Variants in CDH12 observed in about 807,000 individuals in gnomAD.
CDH12 encodes the protein cadherin 12.
A neutral mutation model predicts 74.1 loss-of-function variants in CDH12; 41 were observed. That is an observed-to-expected ratio of 0.55 (90% CI 0.43 to 0.72). CDH12 has a LOEUF of 0.72. CDH12 is among the 30% of genes least tolerant of loss of function. The pLI is 0.00. For missense variants in CDH12, 945 were observed against 977.2 expected, an observed-to-expected ratio of 0.97 and a Z score of 0.44; for synonymous variants, 399 against 355.0, an observed-to-expected ratio of 1.12 and a Z score of -1.39.
At chr5:21,767,983 T>C (rs1051734266) in intron 11 of CDH12, among the ~76,000 whole-genome samples, 1 of 151,904 alleles carries the variant, frequency 6.6e-6, no homozygotes. Context: ...CTGACTCATC[T>C]AATGAATATT....
intron 9 of CDH12, among the ~76,000 whole-genome samples, chr5:21,814,186 T>TGTGTGTG (rs1747915046): frequency 7.0e-6 from 1 of 143,240 alleles, no homozygotes; most frequent in Non-Finnish European, 1.5e-5. Context: ...TGTGTGTGTG[T>TGTGTGTG]TTTATTTGCA....
At chr5:22,580,896 T>C (rs184106673) in intron 1 of CDH12, 96 of 165,692 alleles carry the variant, frequency 5.8e-4, no homozygotes, top group Admixed American at 2.9e-3. Context: ...TGTGGAACTT[T>C]GAACTTGAGA....
At chr5:22,249,640 T>C (rs1277814326) in intron 3 of CDH12, among the ~76,000 whole-genome samples, 1 of 152,180 alleles carries the variant, frequency 6.6e-6, no homozygotes, top group Non-Finnish European at 1.5e-5. Context: ...CAGAATGGAA[T>C]CATCAACCGA....
At chr5:22,330,744 CAAAAAAAAAA>C (rs1212274101) in intron 3 of CDH12, among the ~76,000 whole-genome samples, 1 of 52,356 alleles carries the variant, frequency 1.9e-5, no homozygotes, top group Non-Finnish European at 4.6e-5. Flanking sequence ...AGCGAGACTC[CAAAAAAAAAA>C]AAAAAAAAAA....
chr5:21,818,266 TAC>T (rs56742511), intron 8 of CDH12, among the ~76,000 whole-genome samples: 145,694 of 151,926 alleles, frequency 0.96, 69,878 homozygotes, highest in East Asian at 1. Context: ...GAATTTTAGT[TAC>T]ACATTTGTGG....
chr5:22,762,516 T>C (rs1255288973), intron 1 of CDH12, among the ~76,000 whole-genome samples: 2 of 152,048 alleles, frequency 1.3e-5, no homozygotes, highest in Non-Finnish European at 2.9e-5. Context: ...ATTTCTTGAA[T>C]GGGGCAGAAA....
intron 1 of CDH12, among the ~76,000 whole-genome samples, chr5:22,556,539 C>T (rs368546636): frequency 2.0e-5 from 3 of 152,126 alleles, no homozygotes; most frequent in Non-Finnish European, 4.4e-5. Flanking sequence ...AGAAAGCACA[C>T]CTAAAGAGGT....
intron 6 of CDH12, among the ~76,000 whole-genome samples, chr5:21,964,281 C>T (rs1756488712): frequency 6.6e-6 from 1 of 151,940 alleles, no homozygotes; most frequent in African/African-American, 2.4e-5. Flanking sequence ...GTTGTTTTTC[C>T]AATAATAATG....
At chr5:22,293,345 T>C (rs1439183261) in intron 3 of CDH12, among the ~76,000 whole-genome samples, 1 of 152,170 alleles carries the variant, frequency 6.6e-6, no homozygotes, top group East Asian at 1.9e-4. Flanking sequence ...GAAGTAAATT[T>C]GCCTTGCTGA....
intron 1 of CDH12, among the ~76,000 whole-genome samples, chr5:22,608,963 C>T (rs1295296356): frequency 6.6e-6 from 1 of 152,048 alleles, no homozygotes; most frequent in Non-Finnish European, 1.5e-5. Context: ...AATACACATA[C>T]CAAAGCAGGG....
chr5:22,631,147 G>T (rs1561540282), intron 1 of CDH12, among the ~76,000 whole-genome samples: 1 of 152,234 alleles, frequency 6.6e-6, no homozygotes, highest in South Asian at 2.1e-4. Flanking sequence ...AGACGCTATT[G>T]AGGTTTTAGA....
intron 13 of CDH12, among the ~76,000 whole-genome samples, chr5:21,756,714 A>G (rs1424555665): frequency 3.3e-5 from 5 of 152,182 alleles, no homozygotes; most frequent in Non-Finnish European, 7.3e-5. Flanking sequence ...AAATGTGACA[A>G]TATGTAGTTT....
chr5:22,624,223 G>A (rs1738147418), intron 1 of CDH12, among the ~76,000 whole-genome samples: 1 of 152,112 alleles, frequency 6.6e-6, no homozygotes, highest in African/African-American at 2.4e-5. Flanking sequence ...AGAAAACCTA[G>A]GCAATACCAT....
intron 1 of CDH12, among the ~76,000 whole-genome samples, chr5:22,721,028 G>A (rs550805604): frequency 2.0e-5 from 3 of 152,342 alleles, no homozygotes; most frequent in Admixed American, 2.0e-4. Flanking sequence ...AAGTAACAAG[G>A]AACTGAATGT....
chr5:21,765,098 A>T lies in CDH12; in HGVS notation c.1395T>A (p.Ser465Arg), dbSNP rs1446312492. The T allele has an allele frequency of 6.4e-7, 1 of 1,566,760 alleles. No individual in the cohort carries two copies. Among genetic ancestry groups the T allele is most frequent in the Non-Finnish European group, 8.6e-7 (1 of 1,159,362 alleles). Residue 465 changes from serine to arginine, a missense_variant and splice_region_variant, in exon 12 of 15, where the codon AGT (serine) becomes AGA (arginine). This residue lies in a region of CDH12 where 791 missense variants were observed against 792.8 expected (regional missense o/e 1.00). Coordinates refer to ENST00000382254, the MANE Select transcript of CDH12 (RefSeq NM_004061.5). Reference sequence around the variant, plus strand: ...TGACTTTGCTGGTCAATAAAGGGTTACCTGTTAAAAACATATAAAGATAAA... The same window carrying T: ...TGACTTTGCTGGTCAATAAAGGGTTTCCTGTTAAAAACATATAAAGATAAA... ...YNFSIIASKV[S>R]NPLLTSKVNI...
At chr5:22,209,367 T>G (rs115779632) in intron 4 of CDH12, among the ~76,000 whole-genome samples, 8,538 of 152,296 alleles carry the variant, frequency 0.056, 264 homozygotes, top group Non-Finnish European at 0.062. Flanking sequence ...CTGTTTTTTC[T>G]GAAGTCTACT....
chr5:21,875,958 C>T (rs542312297), intron 6 of CDH12, among the ~76,000 whole-genome samples: 3 of 149,516 alleles, frequency 2.0e-5, no homozygotes, highest in Admixed American at 6.7e-5. Flanking sequence ...TGCAGTGGCA[C>T]GATCTCGGTT....
At chr5:22,336,485 C>G (rs964343367) in intron 3 of CDH12, among the ~76,000 whole-genome samples, 2 of 152,144 alleles carry the variant, frequency 1.3e-5, no homozygotes, top group Non-Finnish European at 2.9e-5. Flanking sequence ...TTTCATGGGC[C>G]AGGCCCAGGG....
At chr5:22,675,696 C>A (rs924890615) in intron 1 of CDH12, among the ~76,000 whole-genome samples, 3 of 151,890 alleles carry the variant, frequency 2.0e-5, no homozygotes, top group Admixed American at 6.6e-5. Flanking sequence ...GTGAGACATG[C>A]CTTTCACCTT....
Sources: allele counts gnomAD v4.1 joint callset (sites outside exome capture counted in the v4.1 genomes callset), GRCh38; gene constraint gnomAD v4.1.1; regional missense constraint gnomAD v4.1.1; transcripts MANE v1.5; gene names NCBI Gene and HGNC (gene_info 2026-07-23, HGNC 2026-07-21).